UBE2G2: variants seen among roughly 807,000 people sequenced by gnomAD.
UBE2G2 encodes ubiquitin-conjugating enzyme E2 G2.
A neutral mutation model predicts 23.0 loss-of-function variants in UBE2G2; 10 were observed. That is an observed-to-expected ratio of 0.43 (90% confidence interval 0.27 to 0.74). UBE2G2 has a LOEUF of 0.74. Ranked by LOEUF, UBE2G2 falls within the 30% of genes least tolerant of loss-of-function variation. UBE2G2 has a pLI of 0.19. For synonymous variants in UBE2G2, 86 were observed against 81.3 expected (o/e 1.06, Z -0.31); for missense variants, 150 against 218.3 (o/e 0.69, Z 1.97).
At chr21:44,781,825 T>C (rs2082959454) in intron 3 of UBE2G2, among the ~76,000 whole-genome samples, 1 of 152,228 alleles carries the variant, frequency 6.6e-6, no homozygotes, top group Non-Finnish European at 1.5e-5. Context: ...ACATTTCCAT[T>C]TTATGAAATC....
chr21:44,799,426 C>G (rs1485752232), intron 1 of UBE2G2, among the ~76,000 whole-genome samples: 1 of 152,214 alleles, frequency 6.6e-6, no homozygotes, highest in Non-Finnish European at 1.5e-5. Context: ...GAGCCACTTT[C>G]ATCTTGATCT....
In UBE2G2 at chr21:44,777,395, C is replaced by G. The variant is rs1427633570; in HGVS notation, c.148G>C (p.Glu50Gln). 1 of 1,613,960 alleles carries G rather than the reference C, an allele frequency of 6.2e-7. No individual in the cohort carries two copies. Among genetic ancestry groups the G allele is most frequent in the African/African-American group, 1.3e-5 (1 of 74,914 alleles). ...AGGATGGCAGGAAAAACACCAAACT[C>G]AAAGCAGGTGTCTTCTGGGCCCCTA... ...LIMGPEDTCF[E>Q]FGVFPAILSF... is the part of the protein sequence containing the mutation. The change falls in exon 4 of 6, where the codon GAG becomes CAG. Residue 50 changes from glutamate to glutamine, a missense_variant. By Grantham distance (29) the Glu-to-Gln change is conservative. Transcript: ENST00000345496.
chr21:44,790,662 CG>C (rs1241133404), intron 1 of UBE2G2, among the ~76,000 whole-genome samples: 1 of 152,198 alleles, frequency 6.6e-6, no homozygotes, highest in Non-Finnish European at 1.5e-5. Context: ...GCTTCCCCTT[CG>C]GCTTCTGTCA....
intron 3 of UBE2G2, 49 bp downstream of exon 3, chr21:44,787,871 C>T (rs782301413): frequency 1.3e-6 from 2 of 1,599,700 alleles, no homozygotes; most frequent in Non-Finnish European, 1.7e-6. Context: ...ATTCTTACAT[C>T]TGACTTCCAG....
chr21:44,775,755 G>T (rs897782958), intron 4 of UBE2G2, among the ~76,000 whole-genome samples: 2 of 152,088 alleles, frequency 1.3e-5, no homozygotes, highest in African/African-American at 4.8e-5. Context: ...CTTCATAGTT[G>T]CATTTTATAG....
intron 1 of UBE2G2, among the ~76,000 whole-genome samples, chr21:44,799,585 G>C (rs2083119257): frequency 6.6e-6 from 1 of 152,182 alleles, no homozygotes; most frequent in Admixed American, 6.5e-5. Context: ...TCATAAAACT[G>C]AAGAGTTAGG....
rs71326069 is a variant in UBE2G2 at position 44,788,287 on chromosome 21, G to GTTTTT, written c.44-197_44-193dup. On this transcript the variant is annotated intron_variant, in intron 1 of 5. Coordinates refer to ENST00000345496, the MANE Select transcript of UBE2G2 (RefSeq NM_003343.6). ...GATAACAACTACACAAAGTTTTTTT[G>GTTTTT]TTTTTTTTTTGTTTTTTTTTGAGAC... Among the ~76,000 whole-genome samples the GTTTTT allele has an allele frequency of 6.6e-4, 89 of 135,600 alleles. 4 individuals carry two copies. Among genetic ancestry groups the GTTTTT allele is most frequent in the Non-Finnish European group, 8.0e-4 (50 of 62,628 alleles). The allele number at this position is 135,600 out of a possible 152,430, so 89.0% of individuals were successfully genotyped here. A position where few individuals can be genotyped will look rare whatever the true frequency, so the allele number is the denominator to read the frequency against.
chr21:44,777,303 G>T lies in UBE2G2; in HGVS notation c.240C>A (p.Pro80=). ...KMRFTCEMFH[P]NIYPDGRVCI... is the part of the protein sequence containing the mutation. ...ACTACTTCCAAAAGCACTTACTGTTGGGATGAAACATCTCACAGGTAAATC... is the reference window on the plus strand; with the variant it reads ...ACTACTTCCAAAAGCACTTACTGTTTGGATGAAACATCTCACAGGTAAATC... Residue 80 remains proline, a synonymous_variant, in exon 4 of 6, where the codon CCC becomes CCA. Coordinates refer to ENST00000345496, the MANE Select transcript of UBE2G2 (RefSeq NM_003343.6). 6.2e-7 allele frequency: 1 copy of T among 1,613,454 alleles called. No individual in the cohort carries two copies. Among genetic ancestry groups the T allele is most frequent in the South Asian group, 1.1e-5 (1 of 91,066 alleles).
chr21:44,787,939 CA>C lies in UBE2G2; in HGVS notation c.105del (p.Phe35LeufsTer6), dbSNP rs781918482. 6 of 1,613,716 alleles carry C rather than the reference CA, an allele frequency of 3.7e-6. No homozygotes were observed. The highest frequency in any genetic ancestry group is 1.1e-5 in the South Asian group (1 of 90,974). On this transcript the variant is annotated frameshift_variant, in exon 3 of 6. Coordinates refer to ENST00000345496, the MANE Select transcript of UBE2G2 (RefSeq NM_003343.6). LOFTEE classifies it high-confidence loss of function. ...ACTTACATGATCAATGCCTCCCATT[CA>C]AAAAAGTTCTCTTCATTCATGGGGC... The part of the protein sequence containing the change: ...VAGPMNEENF[F>X]EWEALIMGPE...
chr21:44,790,749 A>G (rs1360289332), intron 1 of UBE2G2, among the ~76,000 whole-genome samples: 1 of 152,226 alleles, frequency 6.6e-6, no homozygotes, highest in Non-Finnish European at 1.5e-5. Flanking sequence ...TAAATTATCC[A>G]GTCTCAGGGA....
In UBE2G2 at chr21:44,791,117, C is replaced by T. The variant is rs560287707; in HGVS notation, c.44-3022G>A. 1.4e-3 allele frequency among the ~76,000 whole-genome samples: 213 copies of T among 152,214 alleles called. 2 individuals carry two copies. The highest frequency in any genetic ancestry group is 4.9e-3 in the African/African-American group (204 of 41,520). ...CCCTAGAGATCTGTGGAACTTTGAA[C>T]TTGAGAGAGATGATCTGAAATTGGA... On this transcript the variant is annotated intron_variant, in intron 1 of 5. Transcript: ENST00000345496.
Position 44,773,699 on chromosome 21 carries a change from A to C in UBE2G2, c.245-12T>G. Reference sequence around the variant, plus strand: ...CCCATCAGGGTAGACTGCAAGGGTCAGAGGCAGCCAAGTGAGCCCAGGAAT... The same window carrying C: ...CCCATCAGGGTAGACTGCAAGGGTCCGAGGCAGCCAAGTGAGCCCAGGAAT... On this transcript the variant is annotated splice_polypyrimidine_tract_variant and intron_variant, in intron 4 of 5. Transcript: ENST00000345496. 1 of 1,610,010 alleles carries C rather than the reference A, an allele frequency of 6.2e-7. No homozygotes were observed. The highest frequency in any genetic ancestry group is 8.5e-7 in the Non-Finnish European group (1 of 1,179,182).
Position 44,801,755 on chromosome 21 carries a change from G to C in UBE2G2, c.-7C>G, listed in dbSNP as rs782556832. 11 of 1,518,096 alleles carry C rather than the reference G, an allele frequency of 7.2e-6. No individual in the cohort carries two copies. The highest frequency in any genetic ancestry group is 2.1e-5 in the Admixed American group (1 of 46,820). The allele number at this position is 1,518,096 out of a possible 1,614,324, so 94.0% of individuals were successfully genotyped here. The stretch of plus-strand genomic sequence containing the variant: ...TGAGCGCGGTCCCCGCCATGGCCCC[G>C]CAACAGCTGCGCCGAGCGACCTCGC... On this transcript the variant is annotated 5_prime_UTR_variant, in exon 1 of 6. Coordinates refer to ENST00000345496, the MANE Select transcript of UBE2G2 (RefSeq NM_003343.6).
chr21:44,796,625 T>C (rs1001517005), intron 1 of UBE2G2, among the ~76,000 whole-genome samples: 20 of 152,242 alleles, frequency 1.3e-4, no homozygotes, highest in African/African-American at 4.6e-4. Context: ...ATTCATCTTC[T>C]GTCACTGCTG....
chr21:44,786,448 A>G (rs1049819773), intron 3 of UBE2G2, among the ~76,000 whole-genome samples: 5 of 152,114 alleles, frequency 3.3e-5, no homozygotes, highest in Admixed American at 2.6e-4. Context: ...TTAGGATATT[A>G]CAAATGATCA....
chr21:44,797,740 A>AAAAAAGAG (rs781868771), intron 1 of UBE2G2, among the ~76,000 whole-genome samples: 1 of 114,302 alleles, frequency 8.7e-6, no homozygotes, highest in African/African-American at 3.2e-5. Context: ...AAAAAAAAAA[A>AAAAAAGAG]AGAGAAAATA....
rs1338730244 is a variant in UBE2G2, at chr21:44,771,508, C to T, written c.386-19G>A. 2 of 1,607,222 alleles carry T rather than the reference C, an allele frequency of 1.2e-6. No homozygotes were observed. Among genetic ancestry groups the T allele is most frequent in the African/African-American group, 2.7e-5 (2 of 75,028 alleles). ...TTGGGCTCTGAAAGAAAAGGGAACA[C>T]CCTCCATGTAAAAGGGAGTCTTATA... is the stretch of plus-strand genomic sequence containing the variant. On this transcript the variant is annotated intron_variant, in intron 5 of 5. Coordinates refer to ENST00000345496, the MANE Select transcript of UBE2G2 (RefSeq NM_003343.6). This position sits in a 1 kb window ranked among gnomAD's most constrained non-coding sequence, Gnocchi z 4.6.
At position 44,772,171 on chromosome 21, in the gene UBE2G2, G is replaced by A. The variant is rs1450307853; in HGVS notation, c.386-682C>T. On this transcript the variant is annotated intron_variant, in intron 5 of 5. Transcript: ENST00000345496. The surrounding 1 kb of genome is among the most constrained non-coding windows in gnomAD (Gnocchi z 5.4). ...GGCGGTGGCGCTGCTCAGAATGCAC[G>A]TGGGGACCGGTTCAGAGCAGAGTTG... is the stretch of plus-strand genomic sequence containing the variant. Among the ~76,000 whole-genome samples, 13 of 152,244 alleles carry A rather than the reference G, an allele frequency of 8.5e-5. No homozygotes were observed. Among genetic ancestry groups the A allele is most frequent in the Admixed American group, 5.9e-4 (9 of 15,304 alleles).
intron 3 of UBE2G2, among the ~76,000 whole-genome samples, chr21:44,786,077 A>C (rs2082994103): frequency 1.7e-5 from 1 of 59,558 alleles, no homozygotes; most frequent in Non-Finnish European, 3.0e-5. Context: ...AGGAGCCAAC[A>C]CCCCACAAAT....
Sources: allele counts gnomAD v4.1 joint callset (sites outside exome capture counted in the v4.1 genomes callset), GRCh38; gene constraint gnomAD v4.1.1; non-coding constraint Gnocchi (gnomAD v3.1); transcripts MANE v1.5; gene names NCBI Gene and HGNC (gene_info 2026-07-23, HGNC 2026-07-21).